Variants in NEIL3 observed in about 807,000 individuals in gnomAD.
The protein encoded by NEIL3 is endonuclease 8-like 3.
Under a neutral mutation model 57.5 loss-of-function variants are expected in NEIL3, and 48 were observed. The ratio of observed to expected loss-of-function variants is 0.83; its 90% CI spans 0.66 to 1.06. The LOEUF (loss-of-function observed/expected upper bound fraction) is 1.06. Ranked by LOEUF, NEIL3 falls within the 50% of genes least tolerant of loss-of-function variation. NEIL3 has a pLI of 0.00. For synonymous variants in NEIL3, 261 were observed against 253.2 expected, an observed-to-expected ratio of 1.03 and a Z score of -0.29; for missense variants, 717 against 739.1, an observed-to-expected ratio of 0.97 and a Z score of 0.35.
intron 8 of NEIL3, among the ~76,000 whole-genome samples, chr4:177,358,977 A>G (rs936279747): frequency 6.6e-6 from 1 of 152,196 alleles, no homozygotes; most frequent in Non-Finnish European, 1.5e-5. Context: ...TTTATGAACC[A>G]CTTGCTTTAA....
chr4:177,336,432 G>T lies in NEIL3; in HGVS notation c.627+111G>T, dbSNP rs779787647. On this transcript the variant is annotated intron_variant, in intron 4 of 9. Transcript: ENST00000264596. ...GTAACACAGTCTCATCAGACTTCAGGTGTCCCGCTTCCCATTTCTACCCAG... is the reference window on the plus strand; with the variant it reads ...GTAACACAGTCTCATCAGACTTCAGTTGTCCCGCTTCCCATTTCTACCCAG... 12 of 790,084 alleles carry T rather than the reference G, an allele frequency of 1.5e-5. No homozygotes were observed. The South Asian group carries it at 2.2e-4, about 14-fold the overall frequency. 48.9% of individuals were successfully genotyped at this position (790,084 alleles called of 1,614,324 possible). A position where few individuals can be genotyped will look rare whatever the true frequency, so the allele number is the denominator to read the frequency against.
In NEIL3 at chr4:177,336,184, A is replaced by G; in HGVS notation, c.490A>G (p.Arg164Gly). 6.2e-7 allele frequency: 1 copy of G among 1,613,990 alleles called. No homozygotes were observed. The highest frequency in any genetic ancestry group is 8.5e-7 in the Non-Finnish European group (1 of 1,179,828). ...DVCSPEFSFL[R>G]AESEVKKQKG... ...ATGTTCACCTGAATTTAGTTTCTTG[A>G]GAGCAGAAAGTGAAGTTAAAAAACA... Residue 164 changes from arginine to glycine, a missense_variant, in exon 4 of 10, where the codon AGA becomes GGA. Physicochemically the swap from Arg to Gly is moderately radical, Grantham distance 125. Coordinates refer to ENST00000264596, the MANE Select transcript of NEIL3 (RefSeq NM_018248.3).
chr4:177,332,132 G>A (rs1251576682), intron 2 of NEIL3, among the ~76,000 whole-genome samples: 5 of 152,152 alleles, frequency 3.3e-5, no homozygotes, highest in African/African-American at 1.2e-4. Flanking sequence ...TAGAACCCAA[G>A]GTCGCAGTTT....
chr4:177,336,361 C>A, intron 4 of NEIL3, 40 bp downstream of exon 4: 1 of 1,565,684 alleles, frequency 6.4e-7, no homozygotes. Context: ...GTTGATTTTT[C>A]GGTACTGTGA....
intron 2 of NEIL3, among the ~76,000 whole-genome samples, chr4:177,329,396 A>T (rs1462522914): frequency 6.6e-6 from 1 of 152,190 alleles, no homozygotes; most frequent in Non-Finnish European, 1.5e-5. Context: ...AAATAAAAGG[A>T]TGGAAACAGA....
In NEIL3 at chr4:177,310,035, C is replaced by T; in HGVS notation, c.82C>T (p.Arg28Trp). The T allele has an allele frequency of 6.2e-7, 1 of 1,609,744 alleles. No homozygotes were observed. The highest frequency in any genetic ancestry group is 8.5e-7 in the Non-Finnish European group (1 of 1,178,710). The part of the protein sequence containing the change: ...VLPGQAVTGV[R>W]GSALRSLQGR... ...CCCGGGCCAGGCGGTGACCGGCGTG[C>T]GGGGAAGCGCTCTGCGGAGTCTGCA... The change falls in exon 1 of 10, where the codon CGG (arginine) becomes TGG (tryptophan). Residue 28 changes from arginine (R) to tryptophan (W), a missense_variant. Transcript: ENST00000264596.
chr4:177,364,189 A>G (rs1735662082), downstream of NEIL3, among the ~76,000 whole-genome samples: 1 of 152,188 alleles, frequency 6.6e-6, no homozygotes, highest in Non-Finnish European at 1.5e-5. Context: ...AAAATTTCTC[A>G]TAAAAAATCT....
intron 8 of NEIL3, among the ~76,000 whole-genome samples, chr4:177,359,257 A>G (rs1024005047): frequency 1.3e-5 from 2 of 152,222 alleles, no homozygotes; most frequent in Admixed American, 6.5e-5. Context: ...TTGATTTAGC[A>G]ATGCCTGCAG....
chr4:177,325,072 G>C (rs1734756150), intron 2 of NEIL3, among the ~76,000 whole-genome samples: 1 of 152,072 alleles, frequency 6.6e-6, no homozygotes, highest in Admixed American at 6.6e-5. Context: ...TGTGCTCAGA[G>C]ACCAGAAACT....
At chr4:177,345,942 C>T (rs1238973226) in intron 6 of NEIL3, among the ~76,000 whole-genome samples, 1 of 152,020 alleles carries the variant, frequency 6.6e-6, no homozygotes, top group Non-Finnish European at 1.5e-5. Context: ...CCATCCACCT[C>T]GACCTCCCAA....
chr4:177,339,738 T>C (rs1179438355), intron 4 of NEIL3, 45 bp from the exon 5 acceptor site: 10 of 1,270,096 alleles, frequency 7.9e-6, no homozygotes, highest in Non-Finnish European at 1.1e-5. Flanking sequence ...CTTACAGTAA[T>C]GAGCAAGTCA....
chr4:177,369,161 TA>T, the NEIL3 span, among the ~76,000 whole-genome samples: 2 of 152,148 alleles, frequency 1.3e-5, no homozygotes, highest in Non-Finnish European at 2.9e-5. Flanking sequence ...AGCAAAGTGC[TA>T]AAGGTTGCAG....
chr4:177,317,781 T>C (rs1734602961), intron 1 of NEIL3, among the ~76,000 whole-genome samples: 1 of 151,884 alleles, frequency 6.6e-6, no homozygotes, highest in African/African-American at 2.4e-5. Context: ...TTTGTGTTTT[T>C]AGTAGAGTTT....
At chr4:177,342,096 C>T (rs1578998879) in intron 6 of NEIL3, among the ~76,000 whole-genome samples, 1 of 152,210 alleles carries the variant, frequency 6.6e-6, no homozygotes, top group Non-Finnish European at 1.5e-5. Flanking sequence ...GAGTATGTCT[C>T]TTCCAATGAT....
chr4:177,369,107 A>C, the NEIL3 span, among the ~76,000 whole-genome samples: 1 of 152,232 alleles, frequency 6.6e-6, no homozygotes, highest in South Asian at 2.1e-4. Flanking sequence ...GATCTTGCAG[A>C]TACATAAATG....
At chr4:177,322,608 A>G in intron 2 of NEIL3, 28 bp downstream of exon 2, 1 of 1,613,248 alleles carries the variant, frequency 6.2e-7, no homozygotes, top group Admixed American at 1.7e-5. Context: ...GATACATCTT[A>G]TCTCTCTATA....
chr4:177,352,811 C>T (rs1735386639), intron 7 of NEIL3, among the ~76,000 whole-genome samples: 1 of 147,740 alleles, frequency 6.8e-6, no homozygotes, highest in African/African-American at 2.5e-5. Flanking sequence ...GCCTGGGCAA[C>T]AGAACAAGAC....
At chr4:177,338,025 C>T (rs1463903863) in intron 4 of NEIL3, among the ~76,000 whole-genome samples, 2 of 52,770 alleles carry the variant, frequency 3.8e-5, no homozygotes, top group South Asian at 4.7e-4. Context: ...CTCTCTCTCT[C>T]ACACACACAC....
chr4:177,332,259 GT>G (rs1209111228), intron 2 of NEIL3, among the ~76,000 whole-genome samples: 1 of 152,134 alleles, frequency 6.6e-6, no homozygotes, highest in Non-Finnish European at 1.5e-5. Context: ...ATTTCTCTTT[GT>G]ATCATCACAG....
Sources: gnomAD v4.1 joint callset for allele counts (sites outside exome capture counted in the v4.1 genomes callset) on GRCh38, gnomAD v4.1.1 for gene constraint, MANE v1.5 for transcripts, NCBI Gene and HGNC (gene_info 2026-07-23, HGNC 2026-07-21) for gene names.